Variants in CCDC85A observed in about 807,000 individuals in gnomAD.
The protein encoded by CCDC85A is coiled-coil domain-containing protein 85A.
A neutral mutation model predicts 50.2 loss-of-function variants in CCDC85A; 38 were observed. The ratio of observed to expected loss-of-function variants is 0.76; its 90% CI spans 0.58 to 0.99. The LOEUF (loss-of-function observed/expected upper bound fraction) is 0.99, where lower values mean the gene tolerates loss of function less well. Ranked by LOEUF, CCDC85A falls within the 50% of genes least tolerant of loss-of-function variation. The pLI is 0.00. For synonymous variants in CCDC85A, 366 were observed against 301.4 expected, an observed-to-expected ratio of 1.21 and a Z score of -2.22; for missense variants, 820 against 742.0, an observed-to-expected ratio of 1.11 and a Z score of -1.22.
intron 2 of CCDC85A, among the ~76,000 whole-genome samples, chr2:56,328,442 C>T (rs1673586809): frequency 6.6e-6 from 1 of 152,158 alleles, no homozygotes; most frequent in Non-Finnish European, 1.5e-5. Flanking sequence ...CACCTGACTT[C>T]TGTCGTCAGA....
At chr2:56,311,462 T>A (rs1415199818) in intron 2 of CCDC85A, among the ~76,000 whole-genome samples, 1 of 152,094 alleles carries the variant, frequency 6.6e-6, no homozygotes, top group Admixed American at 6.6e-5. Flanking sequence ...TCGTTGTTTT[T>A]TTTTTTAATT....
chr2:56,244,925 T>C (rs1432601522), intron 2 of CCDC85A, among the ~76,000 whole-genome samples: 4 of 152,042 alleles, frequency 2.6e-5, no homozygotes, highest in Non-Finnish European at 5.9e-5. Context: ...CTACTGTGGC[T>C]GAGCTGGTAT....
At chr2:56,238,138 G>T (rs967119329) in intron 2 of CCDC85A, among the ~76,000 whole-genome samples, 11 of 152,132 alleles carry the variant, frequency 7.2e-5, no homozygotes, top group Non-Finnish European at 1.3e-4. Context: ...TAGTATAAAA[G>T]TGTGCAGTGG....
chr2:56,281,248 ATGT>A (rs1187200566), intron 2 of CCDC85A, among the ~76,000 whole-genome samples: 2 of 152,172 alleles, frequency 1.3e-5, no homozygotes, highest in Non-Finnish European at 2.9e-5. Flanking sequence ...AGATTAAGCC[ATGT>A]TGTTGCATGT....
rs1203130117 is a variant in CCDC85A at position 56,351,561 on chromosome 2, G to A, written c.1317+8606G>A. Among the ~76,000 whole-genome samples the A allele has an allele frequency of 3.6e-3, 505 of 141,454 alleles. 16 individuals are homozygous for A. The highest frequency in any genetic ancestry group is 0.014 in the African/African-American group (488 of 35,950). The allele number at this position is 141,454 out of a possible 152,430, so 92.8% of individuals were successfully genotyped here. A position where few individuals can be genotyped will look rare whatever the true frequency, so the allele number is the denominator to read the frequency against. ...TCGCCATTCTAACTGGTGTGAGATGGTATCTCATTGTGGTTTTGATTTGCA... is the reference window on the plus strand; with the variant it reads ...TCGCCATTCTAACTGGTGTGAGATGATATCTCATTGTGGTTTTGATTTGCA... On this transcript the variant is annotated intron_variant, in intron 3 of 5. Transcript: ENST00000407595.
rs113986518 is a variant in CCDC85A at position 56,293,585 on chromosome 2, A to C, written c.1241-49294A>C. ...AACGTCTGACAAAGGTCTAATATTC[A>C]GATCTACAAGGAACTTAAATTTACA... On this transcript the variant is annotated intron_variant, in intron 2 of 5. Transcript: ENST00000407595. Among the ~76,000 whole-genome samples the C allele has an allele frequency of 7.4e-3, 1,120 of 152,298 alleles. 12 individuals carry two copies. Among genetic ancestry groups the C allele is most frequent in the African/African-American group, 0.025 (1,047 of 41,562 alleles).
chr2:56,352,077 T>C (rs1166612885), intron 3 of CCDC85A, among the ~76,000 whole-genome samples: 1 of 152,174 alleles, frequency 6.6e-6, no homozygotes, highest in Non-Finnish European at 1.5e-5. Context: ...TTTAGGCACT[T>C]TTCATTTAAA....
chr2:56,223,475 G>A (rs1275221257), intron 2 of CCDC85A, among the ~76,000 whole-genome samples: 2 of 152,104 alleles, frequency 1.3e-5, no homozygotes, highest in African/African-American at 4.8e-5. Context: ...CTACAAAATG[G>A]AGTCCTGAAA....
intron 2 of CCDC85A, among the ~76,000 whole-genome samples, chr2:56,270,177 A>G (rs932415662): frequency 6.6e-6 from 1 of 152,246 alleles, no homozygotes; most frequent in Non-Finnish European, 1.5e-5. Context: ...GGTAGACTCC[A>G]GAGAGTTTTG....
At chr2:56,362,351 T>G (rs1675570450) in intron 3 of CCDC85A, among the ~76,000 whole-genome samples, 1 of 152,068 alleles carries the variant, frequency 6.6e-6, no homozygotes, top group African/African-American at 2.4e-5. Context: ...AGATGTCACA[T>G]AGTGTTGGAT....
At chr2:56,354,944 C>T (rs1675145295) in intron 3 of CCDC85A, among the ~76,000 whole-genome samples, 1 of 152,150 alleles carries the variant, frequency 6.6e-6, no homozygotes, top group Admixed American at 6.5e-5. Flanking sequence ...TTCCTCAGGC[C>T]ACACCAGCCC....
chr2:56,341,249 C>T (rs1232419126), intron 2 of CCDC85A, among the ~76,000 whole-genome samples: 1 of 152,174 alleles, frequency 6.6e-6, no homozygotes, highest in African/African-American at 2.4e-5. Flanking sequence ...TGAGACCACT[C>T]GCCCAACTCC....
intron 2 of CCDC85A, among the ~76,000 whole-genome samples, chr2:56,213,192 T>C (rs1416981678): frequency 6.6e-6 from 1 of 152,034 alleles, no homozygotes; most frequent in Non-Finnish European, 1.5e-5. Context: ...TTGTGTCAGC[T>C]CTGACAGCTT....
intron 2 of CCDC85A, among the ~76,000 whole-genome samples, chr2:56,240,476 G>A (rs111454346): frequency 2.6e-4 from 40 of 152,014 alleles, no homozygotes; most frequent in African/African-American, 8.9e-4. Flanking sequence ...TTCATTTTTC[G>A]CTTCATTCTT....
At chr2:56,375,214 A>G (rs1200158981) in intron 4 of CCDC85A, among the ~76,000 whole-genome samples, 2 of 152,214 alleles carry the variant, frequency 1.3e-5, no homozygotes, top group Admixed American at 1.3e-4. Context: ...TTTCTCACCA[A>G]TTAAGTTGAA....
At chr2:56,337,943 C>T (rs1674159786) in intron 2 of CCDC85A, among the ~76,000 whole-genome samples, 1 of 151,994 alleles carries the variant, frequency 6.6e-6, no homozygotes, top group Non-Finnish European at 1.5e-5. Flanking sequence ...TGCCACCATG[C>T]CCGGCTAATT....
At chr2:56,211,306 T>C (rs1229751171) in intron 2 of CCDC85A, among the ~76,000 whole-genome samples, 1 of 152,070 alleles carries the variant, frequency 6.6e-6, no homozygotes, top group Non-Finnish European at 1.5e-5. Context: ...GTCATGCTCA[T>C]TTTGGTCCTT....
At chr2:56,371,134 T>C (rs1676050945) in intron 3 of CCDC85A, among the ~76,000 whole-genome samples, 1 of 152,126 alleles carries the variant, frequency 6.6e-6, no homozygotes, top group African/African-American at 2.4e-5. Context: ...GAAATTATCA[T>C]TATGACCCAA....
At chr2:56,236,406 T>C (rs781631979) in intron 2 of CCDC85A, among the ~76,000 whole-genome samples, 1 of 152,168 alleles carries the variant, frequency 6.6e-6, no homozygotes, top group Non-Finnish European at 1.5e-5. Context: ...AGGCATGATC[T>C]GTGTCTGACT....
Sources: allele counts gnomAD v4.1 joint callset (sites outside exome capture counted in the v4.1 genomes callset), GRCh38; gene constraint gnomAD v4.1.1; transcripts MANE v1.5; gene names NCBI Gene and HGNC (gene_info 2026-07-23, HGNC 2026-07-21).